The following MMP26 variants were observed in gnomAD, a reference collection of about 807,000 sequenced individuals.
MMP26 encodes the protein matrix metallopeptidase 26, also known as matrix metalloproteinase-26.
In MMP26, 33 loss-of-function variants were observed where a neutral mutation model predicts 31.0. That is an observed-to-expected ratio of 1.06 (90% CI 0.81 to 1.42). MMP26 has a LOEUF of 1.42. Among genes scored for constraint, MMP26 ranks in the 40% most tolerant of loss-of-function variants. The pLI, the probability that MMP26 is intolerant of heterozygous loss-of-function variation, is 0.00. For missense variants in MMP26, 347 were observed against 316.1 expected (o/e 1.10, Z -0.74); for synonymous variants, 122 against 114.9 (o/e 1.06, Z -0.40).
intron 2 of MMP26, among the ~76,000 whole-genome samples, chr11:4,850,341 A>G (rs2133499465): frequency 6.6e-6 from 1 of 152,342 alleles, no homozygotes; most frequent in East Asian, 1.9e-4. Context: ...GAAACAGTGA[A>G]GAGGAATTTA....
intron 2 of MMP26, among the ~76,000 whole-genome samples, chr11:4,773,595 G>GTT (rs3065888): frequency 0.05 from 5,434 of 108,298 alleles, 356 homozygotes; most frequent in African/African-American, 0.15. Flanking sequence ...TGTTTGTGGG[G>GTT]TTTTTTTTTT....
intron 2 of MMP26, among the ~76,000 whole-genome samples, chr11:4,801,240 T>C (rs529451453): frequency 6.6e-6 from 1 of 152,328 alleles, no homozygotes; most frequent in African/African-American, 2.4e-5. Context: ...TTCAGGTGTC[T>C]TTACAGCAAC....
intron 1 of MMP26, among the ~76,000 whole-genome samples, chr11:4,748,474 G>C (rs1212332462): frequency 6.6e-6 from 1 of 151,296 alleles, no homozygotes; most frequent in Non-Finnish European, 1.5e-5. Context: ...CCAAAGCCAG[G>C]CATGTACACA....
intron 2 of MMP26, chr11:4,795,420 A>G (rs1849092529): frequency 1.3e-5 from 2 of 152,186 alleles, no homozygotes; most frequent in South Asian, 2.1e-4. Context: ...TATTTCCGAA[A>G]AGATTGGGAA....
At chr11:4,970,751 C>T (rs545032724) in intron 2 of MMP26, among the ~76,000 whole-genome samples, 1 of 152,276 alleles carries the variant, frequency 6.6e-6, no homozygotes, top group South Asian at 2.1e-4. Flanking sequence ...CTGGTGGTGG[C>T]TATGGCAGTG....
intron 2 of MMP26, chr11:4,915,240 T>A (rs780322824): frequency 1.2e-6 from 2 of 1,613,444 alleles, no homozygotes; most frequent in Non-Finnish European, 1.7e-6. Flanking sequence ...ACTGTGTTGG[T>A]GAGAATGGAA....
chr11:4,873,489 C>T (rs577476494), intron 2 of MMP26, among the ~76,000 whole-genome samples: 54 of 152,110 alleles, frequency 3.6e-4, no homozygotes, highest in Middle Eastern at 3.4e-3. Context: ...TACTGGCAGG[C>T]CATTGGTATT....
chr11:4,780,039 A>T (rs1393371382), intron 2 of MMP26, among the ~76,000 whole-genome samples: 10 of 152,176 alleles, frequency 6.6e-5, no homozygotes, highest in Non-Finnish European at 1.5e-4. Context: ...TCTCATTATC[A>T]TCATTGCATA....
rs1388205550 is a variant in MMP26 at position 4,920,506 on chromosome 11, G to T, written c.-144-67562G>T. ...CACCAAACTCATTATGACACAGAAAGGAAATCTCCATACTCTGACATGAGG... is the reference window on the plus strand; with the variant it reads ...CACCAAACTCATTATGACACAGAAATGAAATCTCCATACTCTGACATGAGG... On this transcript the variant is annotated intron_variant, in intron 2 of 7. Transcript: ENST00000380390. Among the ~76,000 whole-genome samples, 4 of 152,262 alleles carry T rather than the reference G, an allele frequency of 2.6e-5. No individual in the cohort carries two copies. The Middle Eastern group carries it at 0.01, about 388-fold the overall frequency.
At chr11:4,709,431 A>C (rs1847827643) in intron 1 of MMP26, 1 of 341,900 alleles carries the variant, frequency 2.9e-6, no homozygotes, top group South Asian at 2.3e-5. Flanking sequence ...GTGGCTATGC[A>C]TTTTCATTGA....
At chr11:4,981,190 A>T (rs1312032068) in intron 2 of MMP26, among the ~76,000 whole-genome samples, 2 of 152,078 alleles carry the variant, frequency 1.3e-5, no homozygotes, top group African/African-American at 2.4e-5. Context: ...TTTGATTTTT[A>T]AAAATATAAG....
At chr11:4,798,617 T>C (rs1020793049) in intron 2 of MMP26, among the ~76,000 whole-genome samples, 3 of 152,180 alleles carry the variant, frequency 2.0e-5, no homozygotes, top group African/African-American at 7.2e-5. Context: ...TTTTTTCTCA[T>C]GGTGTGCACA....
rs1343109961 is a variant in MMP26, at chr11:4,954,463, C to G, written c.-144-33605C>G. Among the ~76,000 whole-genome samples, 4 of 119,096 alleles carry G rather than the reference C, an allele frequency of 3.4e-5. 1 individual carries two copies. The highest frequency in any genetic ancestry group is 1.1e-4 in the African/African-American group (4 of 35,500). The allele number at this position is 119,096 out of a possible 152,430, so 78.1% of individuals were successfully genotyped here. ...GTATAGAGAGACTGAATGTAGATAACGAGGAATCCAACTTCTGTCAGAACT... is the reference window on the plus strand; with the variant it reads ...GTATAGAGAGACTGAATGTAGATAAGGAGGAATCCAACTTCTGTCAGAACT... On this transcript the variant is annotated intron_variant, in intron 2 of 7. Transcript: ENST00000380390.
chr11:4,715,848 C>T (rs1847922782), intron 1 of MMP26, among the ~76,000 whole-genome samples: 1 of 152,122 alleles, frequency 6.6e-6, no homozygotes, highest in African/African-American at 2.4e-5. Flanking sequence ...ATATCACTCC[C>T]ATGATTACGT....
intron 2 of MMP26, among the ~76,000 whole-genome samples, chr11:4,846,447 T>C (rs1564792605): frequency 6.6e-6 from 1 of 152,044 alleles, no homozygotes; most frequent in Non-Finnish European, 1.5e-5. Context: ...GGTTAATGGG[T>C]ATAAAAAATA....
intron 2 of MMP26, among the ~76,000 whole-genome samples, chr11:4,799,176 T>C (rs1427668454): frequency 2.0e-5 from 3 of 152,170 alleles, no homozygotes; most frequent in African/African-American, 7.2e-5. Context: ...AGAAAATACC[T>C]GAGACTTTAA....
chr11:4,772,218 C>A (rs536395929), intron 2 of MMP26, among the ~76,000 whole-genome samples: 3 of 150,966 alleles, frequency 2.0e-5, no homozygotes, highest in African/African-American at 7.2e-5. Flanking sequence ...ACCTGTGGTC[C>A]ACAGGGACAT....
chr11:4,908,443 A>G (rs1438142969), intron 2 of MMP26: 7 of 769,444 alleles, frequency 9.1e-6, no homozygotes, highest in Non-Finnish European at 1.6e-5. Context: ...AGAATTTATA[A>G]TAAAGTTGAG....
At chr11:4,855,163 C>T (rs975603972) in intron 2 of MMP26, among the ~76,000 whole-genome samples, 1 of 152,120 alleles carries the variant, frequency 6.6e-6, no homozygotes, top group African/African-American at 2.4e-5. Flanking sequence ...GCCTCTTCTA[C>T]CCCAAAGGAA....
Sources: gnomAD v4.1 joint callset for allele counts (sites outside exome capture counted in the v4.1 genomes callset) on GRCh38, gnomAD v4.1.1 for gene constraint, MANE v1.5 for transcripts, NCBI Gene and HGNC (gene_info 2026-07-23, HGNC 2026-07-21) for gene names.